The following ANO4 variants were observed in gnomAD, a reference collection of about 807,000 sequenced individuals.
The protein encoded by ANO4 is anoctamin-4.
A neutral mutation model predicts 141.9 loss-of-function variants in ANO4; 69 were observed. That is an observed-to-expected ratio of 0.49 (90% CI 0.40 to 0.59). ANO4 has a LOEUF of 0.59. Among genes scored for constraint, ANO4 ranks in the 20% least tolerant of loss-of-function variants. The probability of loss-of-function intolerance (pLI) is 0.00; values close to 1 mark genes in which losing one functional copy is unlikely to be tolerated. For synonymous variants in ANO4, 350 were observed against 394.3 expected (o/e 0.89, Z 1.33); for missense variants, 894 against 1,162.2 (o/e 0.77, Z 3.36).
chr12:101,052,737 C>A (rs17486216), intron 14 of ANO4, among the ~76,000 whole-genome samples: 64,466 of 151,994 alleles, frequency 0.42, 14,359 homozygotes, highest in Non-Finnish European at 0.49. Context: ...CTACATGTTC[C>A]ACAAAAAAAT....
chr12:100,907,798 C>T (rs556702488), intron 2 of ANO4, among the ~76,000 whole-genome samples: 1 of 152,158 alleles, frequency 6.6e-6, no homozygotes, highest in Non-Finnish European at 1.5e-5. Flanking sequence ...AACTTCTTTA[C>T]CTTTGTACCC....
intron 3 of ANO4, among the ~76,000 whole-genome samples, chr12:100,932,816 C>G (rs1168198090): frequency 6.6e-5 from 10 of 152,144 alleles, no homozygotes. Flanking sequence ...GACTCTTTAG[C>G]TGATTTTTCG....
At chr12:100,924,809 G>A (rs1050893287) in intron 3 of ANO4, among the ~76,000 whole-genome samples, 1 of 151,988 alleles carries the variant, frequency 6.6e-6, no homozygotes, top group African/African-American at 2.4e-5. Context: ...TAAATTTAAG[G>A]AGTGGGGGCT....
upstream of ANO4, among the ~76,000 whole-genome samples, chr12:100,792,727 T>C (rs1426760656): frequency 1.3e-5 from 2 of 152,210 alleles, no homozygotes; most frequent in South Asian, 2.1e-4. Context: ...ATTTCATGCA[T>C]CATTATAATG....
intron 1 of ANO4, among the ~76,000 whole-genome samples, chr12:100,820,817 T>TA (rs2046565842): frequency 1.3e-5 from 2 of 152,080 alleles, no homozygotes; most frequent in South Asian, 4.1e-4. Context: ...AGGAAAATGA[T>TA]AAAGTGATGG....
At chr12:101,008,468 C>G (rs1029449583) in intron 8 of ANO4, among the ~76,000 whole-genome samples, 1 of 152,116 alleles carries the variant, frequency 6.6e-6, no homozygotes, top group Non-Finnish European at 1.5e-5. Flanking sequence ...CCCTACAATT[C>G]TTACTACAGT....
At chr12:101,052,522 A>G (rs1389059496) in intron 14 of ANO4, among the ~76,000 whole-genome samples, 1 of 151,766 alleles carries the variant, frequency 6.6e-6, no homozygotes, top group Non-Finnish European at 1.5e-5. Flanking sequence ...TACTTCTAGG[A>G]TTGCCAAAAG....
At chr12:100,795,588 G>A (rs947367597) in intron 1 of ANO4, among the ~76,000 whole-genome samples, 2 of 152,200 alleles carry the variant, frequency 1.3e-5, no homozygotes, top group Non-Finnish European at 2.9e-5. Context: ...TTCTCAGCAG[G>A]AGGAATCCTG....
chr12:100,897,224 G>A (rs1471553008), intron 1 of ANO4, among the ~76,000 whole-genome samples: 1 of 152,196 alleles, frequency 6.6e-6, no homozygotes, highest in African/African-American at 2.4e-5. Flanking sequence ...AGGTTGAAAG[G>A]AGGAAGATTA....
At chr12:100,858,349 TA>T (rs1271781765) in intron 1 of ANO4, among the ~76,000 whole-genome samples, 1 of 152,082 alleles carries the variant, frequency 6.6e-6, no homozygotes, top group Non-Finnish European at 1.5e-5. Context: ...AAATGTACAG[TA>T]AAAATATGAT....
intron 5 of ANO4, among the ~76,000 whole-genome samples, chr12:100,966,860 T>G (rs979690699): frequency 6.2e-4 from 85 of 138,028 alleles, no homozygotes; most frequent in African/African-American, 2.4e-3. Context: ...TATACACACA[T>G]GTATATATAT....
intron 1 of ANO4, among the ~76,000 whole-genome samples, chr12:100,888,468 G>C (rs2039946349): frequency 6.6e-6 from 1 of 152,264 alleles, no homozygotes; most frequent in African/African-American, 2.4e-5. Context: ...AGGAGCCCTG[G>C]GAAAGGGGCT....
intron 3 of ANO4, among the ~76,000 whole-genome samples, chr12:100,934,279 G>A (rs1265067159): frequency 6.6e-6 from 1 of 152,124 alleles, no homozygotes; most frequent in Admixed American, 6.6e-5. Context: ...TTTGTATAAG[G>A]TGTAAGGAAG....
In ANO4 at chr12:101,042,420, T is replaced by C; in HGVS notation, c.1106T>C (p.Leu369Ser). The change falls in exon 12 of 28, where the codon TTG (leucine) becomes TCG (serine). Residue 369 changes from leucine (L) to serine (S), a missense_variant. Physicochemically the swap from Leu to Ser is moderately radical, Grantham distance 145. Transcript: ENST00000392977. ...CTCTTCCCAGCTGCCTTCATTGGAT[T>C]GTTTGTCTTTTTGTATGGCGTCACC... ...GMLFPAAFIG[L>S]FVFLYGVTTL... The C allele has an allele frequency of 6.2e-7, 1 of 1,614,150 alleles. No individual in the cohort carries two copies. Among genetic ancestry groups the C allele is most frequent in the Non-Finnish European group, 8.5e-7 (1 of 1,180,016 alleles).
chr12:100,938,338 C>T (rs1445597543), intron 3 of ANO4, among the ~76,000 whole-genome samples: 3 of 152,228 alleles, frequency 2.0e-5, no homozygotes, highest in Admixed American at 2.0e-4. Flanking sequence ...GTGCAATCAT[C>T]ACACAGCTCT....
At chr12:100,783,966 C>T (rs1444841414) in intron 3 of ANO4, among the ~76,000 whole-genome samples, 1 of 140,154 alleles carries the variant, frequency 7.1e-6, no homozygotes, top group Non-Finnish European at 1.5e-5. Flanking sequence ...TTTGTGGAGG[C>T]CATGGAGTGT....
chr12:100,894,958 T>A (rs2040276463), intron 1 of ANO4, among the ~76,000 whole-genome samples: 1 of 120,010 alleles, frequency 8.3e-6, no homozygotes. Flanking sequence ...AGAGCGAGAC[T>A]CCATCTCAAA....
intron 14 of ANO4, among the ~76,000 whole-genome samples, chr12:101,056,105 T>C (rs1053248237): frequency 6.6e-6 from 1 of 152,192 alleles, no homozygotes; most frequent in African/African-American, 2.4e-5. Flanking sequence ...AAAAATTGTT[T>C]TGCTGTTTTA....
intron 5 of ANO4, among the ~76,000 whole-genome samples, chr12:100,942,960 A>C (rs1334694866): frequency 6.6e-6 from 1 of 152,194 alleles, no homozygotes; most frequent in Non-Finnish European, 1.5e-5. Context: ...ACCAGAGGAG[A>C]CTGCCTGGCC....
Sources: gnomAD v4.1 joint callset for allele counts (sites outside exome capture counted in the v4.1 genomes callset) on GRCh38, gnomAD v4.1.1 for gene constraint, MANE v1.5 for transcripts, NCBI Gene and HGNC (gene_info 2026-07-23, HGNC 2026-07-21) for gene names.